Variants in LY6S observed in about 807,000 individuals in gnomAD.
LY6S encodes lymphocyte antigen 6 family member S, also known as lymphocyte antigen 6S.
the LY6S span, among the ~76,000 whole-genome samples, chr8:143,062,390 G>A: frequency 2.0e-5 from 3 of 152,122 alleles, no homozygotes; most frequent in Non-Finnish European, 4.4e-5. Flanking sequence ...ACAAGAGGCC[G>A]GGCGTGGTAG....
chr8:143,073,142 A>G, the LY6S span, among the ~76,000 whole-genome samples: 1 of 148,530 alleles, frequency 6.7e-6, no homozygotes. Context: ...TTCCTGTTTG[A>G]GGAGACAGCC....
the LY6S span, chr8:143,044,028 T>C: frequency 2.4e-6 from 1 of 422,130 alleles, no homozygotes; most frequent in Non-Finnish European, 4.8e-6. Context: ...TGGGGACAGA[T>C]GCAGCTCCGA....
the LY6S span, among the ~76,000 whole-genome samples, chr8:143,051,621 T>C: frequency 2.0e-5 from 3 of 152,120 alleles, no homozygotes; most frequent in Admixed American, 6.5e-5. Context: ...GGTTAGTGGC[T>C]CATAGGTCAA....
chr8:143,066,847 C>G, the LY6S span, among the ~76,000 whole-genome samples: 2 of 152,176 alleles, frequency 1.3e-5, no homozygotes, highest in South Asian at 4.1e-4. Flanking sequence ...GACGATCTTA[C>G]TTTGCAATGT....
chr8:143,064,938 G>A, the LY6S span, among the ~76,000 whole-genome samples: 4 of 152,304 alleles, frequency 2.6e-5, no homozygotes, highest in Non-Finnish European at 2.9e-5. Flanking sequence ...GAGCCTGCTC[G>A]TCTGCCCAGG....
the LY6S span, among the ~76,000 whole-genome samples, chr8:143,069,674 T>C: frequency 1.4e-3 from 206 of 152,342 alleles, 1 homozygote; most frequent in African/African-American, 4.8e-3. Flanking sequence ...TTTCCATTTG[T>C]GAACCTTTGC....
chr8:143,057,955 A>C, the LY6S span: 3 of 538,206 alleles, frequency 5.6e-6, no homozygotes, highest in East Asian at 3.0e-5. Context: ...TCTCTGTCTG[A>C]CCCTCCCTCC....
At chr8:143,074,436 C>T in the LY6S span, among the ~76,000 whole-genome samples, 174 of 152,190 alleles carry the variant, frequency 1.1e-3, 2 homozygotes, top group Middle Eastern at 0.037. Flanking sequence ...ATCCTTTTTG[C>T]TACTATATGT....
At chr8:143,058,176 C>T in the LY6S span, among the ~76,000 whole-genome samples, 1 of 152,144 alleles carries the variant, frequency 6.6e-6, no homozygotes, top group South Asian at 2.1e-4. Context: ...TCTCTCCCCG[C>T]GTGCGGCGAC....
the LY6S span, among the ~76,000 whole-genome samples, chr8:143,072,368 G>A: frequency 7.0e-6 from 1 of 142,006 alleles, no homozygotes; most frequent in Non-Finnish European, 1.5e-5. Flanking sequence ...TGAGGAGACA[G>A]CCGTCGTCCT....
the LY6S span, among the ~76,000 whole-genome samples, chr8:143,051,032 C>G: frequency 5.3e-5 from 8 of 152,202 alleles, no homozygotes; most frequent in African/African-American, 1.9e-4. Context: ...AAGGAAATCC[C>G]CCATTACATA....
chr8:143,058,423 A>G, the LY6S span, among the ~76,000 whole-genome samples: 6 of 152,344 alleles, frequency 3.9e-5, no homozygotes, highest in African/African-American at 1.4e-4. Context: ...CCTGCCTGGC[A>G]GCTGAGGCAG....
the LY6S span, among the ~76,000 whole-genome samples, chr8:143,063,427 T>C: frequency 6.6e-6 from 1 of 152,200 alleles, no homozygotes; most frequent in African/African-American, 2.4e-5. Flanking sequence ...GTGCCCTGAG[T>C]ACTTGGGACA....
At chr8:143,073,675 G>A in the LY6S span, among the ~76,000 whole-genome samples, 2 of 134,598 alleles carry the variant, frequency 1.5e-5, no homozygotes, top group Non-Finnish European at 3.1e-5. Context: ...CATCCTCGGG[G>A]TTCCTGTTCG....
At chr8:143,052,755 A>G in the LY6S span, among the ~76,000 whole-genome samples, 1 of 152,158 alleles carries the variant, frequency 6.6e-6, no homozygotes, top group Non-Finnish European at 1.5e-5. Context: ...GACCAGTCAC[A>G]CTTTAAAGCA....
chr8:143,069,091 C>T, the LY6S span, among the ~76,000 whole-genome samples: 17 of 152,266 alleles, frequency 1.1e-4, no homozygotes, highest in East Asian at 1.4e-3. Context: ...GAGCTGGCCC[C>T]GCTCCCATGG....
the LY6S span, among the ~76,000 whole-genome samples, chr8:143,070,491 T>A: frequency 0.28 from 22,963 of 82,162 alleles, 3,818 homozygotes; most frequent in African/African-American, 0.33. Flanking sequence ...ATATATATAT[T>A]TTTTTTTTTT....
the LY6S span, among the ~76,000 whole-genome samples, chr8:143,056,611 A>G: frequency 6.6e-6 from 1 of 152,182 alleles, no homozygotes; most frequent in Non-Finnish European, 1.5e-5. Context: ...ATGTCTCACC[A>G]TGTTCCACAA....
chr8:143,064,080 G>C, the LY6S span, among the ~76,000 whole-genome samples: 1 of 152,192 alleles, frequency 6.6e-6, no homozygotes, highest in Non-Finnish European at 1.5e-5. Context: ...GGAGCCCCAG[G>C]GCTAGGGCAG....
Sources: gnomAD v4.1 joint callset for allele counts (sites outside exome capture counted in the v4.1 genomes callset) on GRCh38, gnomAD v4.1.1 for gene constraint, MANE v1.5 for transcripts, NCBI Gene and HGNC (gene_info 2026-07-23, HGNC 2026-07-21) for gene names.